CCDC81: variants seen among roughly 807,000 people sequenced by gnomAD.
CCDC81 encodes the protein coiled-coil domain-containing protein 81.
Under a neutral mutation model 83.7 loss-of-function variants are expected in CCDC81, and 79 were observed. The ratio of observed to expected loss-of-function variants is 0.94; its 90% CI spans 0.79 to 1.14. The LOEUF is 1.14. Ranked by LOEUF, CCDC81 falls within the 50% of genes most tolerant of loss-of-function variation. The probability of loss-of-function intolerance (pLI) is 0.00; values close to 1 mark genes in which losing one functional copy is unlikely to be tolerated. For missense variants in CCDC81, 791 were observed against 778.1 expected (o/e 1.02, Z -0.20); for synonymous variants, 252 against 278.1 (o/e 0.91, Z 0.93).
Position 86,412,562 on chromosome 11 carries a change from G to A in CCDC81, c.1391+3G>A. 6.2e-7 allele frequency: 1 copy of A among 1,601,470 alleles called. No homozygotes were observed. The highest frequency in any genetic ancestry group is 8.5e-7 in the Non-Finnish European group (1 of 1,175,706). On this transcript the variant is annotated splice_donor_region_variant and intron_variant, in intron 11 of 14. Transcript: ENST00000445632. ...GAACAAGTGCAACTCACAGAGGAGT[G>A]AGTCCAGCTACACACGCTCTGACAA...
In CCDC81 at chr11:86,404,198, C is replaced by T. The variant is rs77048042; in HGVS notation, c.881+3397C>T. 2.0e-3 allele frequency among the ~76,000 whole-genome samples: 311 copies of T among 152,218 alleles called. 1 individual carries two copies. Among genetic ancestry groups the T allele is most frequent in the African/African-American group, 7.1e-3 (295 of 41,538 alleles). ...CAAACCTTTAGGGAATCAGCATTCGCCCCACCCCAGATTTTGAGGCCTAAG... is the reference window on the plus strand; with the variant it reads ...CAAACCTTTAGGGAATCAGCATTCGTCCCACCCCAGATTTTGAGGCCTAAG... On this transcript the variant is annotated intron_variant, in intron 7 of 14. Coordinates refer to ENST00000445632, the MANE Select transcript of CCDC81 (RefSeq NM_001156474.2).
chr11:86,422,699 C>G lies in CCDC81; in HGVS notation c.1943C>G (p.Ser648Cys). 1.2e-6 allele frequency: 2 copies of G among 1,613,318 alleles called. No individual in the cohort carries two copies. Among genetic ancestry groups the G allele is most frequent in the Non-Finnish European group, 1.7e-6 (2 of 1,179,540 alleles). Residue 648 changes from serine (S) to cysteine (C), a missense_variant, in exon 15 of 15, where the codon TCC becomes TGC. Coordinates refer to ENST00000445632, the MANE Select transcript of CCDC81 (RefSeq NM_001156474.2). ...CCCCTGAACAAGTTCCTGCCTGGCT[C>G]CCGGTTGCTTGTGTAAAACTCAAAG... is the stretch of plus-strand genomic sequence containing the variant. ...LWPLNKFLPG[S>C]RLLV
At chr11:86,396,205 G>C (rs539640470) in intron 5 of CCDC81, among the ~76,000 whole-genome samples, 147 of 152,292 alleles carry the variant, frequency 9.7e-4, no homozygotes, top group African/African-American at 3.4e-3. Context: ...GCATATTACT[G>C]TATTTAATCT....
intron 1 of CCDC81, among the ~76,000 whole-genome samples, chr11:86,382,709 G>C (rs1037951189): frequency 1.3e-5 from 2 of 152,092 alleles, no homozygotes; most frequent in African/African-American, 4.8e-5. Context: ...AAGCAACCTA[G>C]GACTGTACCT....
chr11:86,413,470 GC>G (rs1948673690), intron 11 of CCDC81, among the ~76,000 whole-genome samples: 1 of 152,102 alleles, frequency 6.6e-6, no homozygotes, highest in African/African-American at 2.4e-5. Context: ...CAGGGACCAT[GC>G]CCTTTCCCCA....
At position 86,408,138 on chromosome 11, in the gene CCDC81, T is replaced by G; in HGVS notation, c.981T>G (p.Tyr327Ter). Residue 327 changes from tyrosine (Y) to a stop codon, truncating the protein, a stop_gained, in exon 9 of 15, where the codon TAT becomes TAG. Coordinates refer to ENST00000445632, the MANE Select transcript of CCDC81 (RefSeq NM_001156474.2). LOFTEE classifies it high-confidence loss of function. ...DHNKAGQEMC[Y>*]VCLQRAQRNS... ...ATTTGGGATTGTAGGAAATGTGCTA[T>G]GTATGTTTGCAACGAGCACAACGAA... The G allele has an allele frequency of 2.5e-6, 4 of 1,611,856 alleles. No individual in the cohort carries two copies. The highest frequency in any genetic ancestry group is 2.5e-6 in the Non-Finnish European group (3 of 1,179,548).
intron 13 of CCDC81, chr11:86,419,186 C>T (rs999114294): frequency 2.3e-4 from 35 of 152,214 alleles, no homozygotes; most frequent in African/African-American, 8.4e-4. Context: ...TTTTGTGAAG[C>T]TCCTTCTAGA....
intron 1 of CCDC81, among the ~76,000 whole-genome samples, chr11:86,384,765 A>C (rs192687958): frequency 1.2e-4 from 18 of 152,354 alleles, no homozygotes; most frequent in Admixed American, 3.3e-4. Flanking sequence ...TGAGAATTAA[A>C]ACGTAACAGT....
chr11:86,408,344 T>C, intron 9 of CCDC81, 74 bp downstream of exon 9: 1 of 1,387,728 alleles, frequency 7.2e-7, no homozygotes, highest in Non-Finnish European at 9.6e-7. Context: ...TATTATTATT[T>C]TTTATTGGCG....
In CCDC81 at chr11:86,422,895, A is replaced by C. The variant is rs11234648; in HGVS notation, c.*180A>C. ...CACTCCTGCTTTCCTCCCACCCCCA[A>C]TTATTTCCTATACTAGTTTCTGATG... On this transcript the variant is annotated 3_prime_UTR_variant, in exon 15 of 15. Transcript: ENST00000445632. The C allele has an allele frequency of 1.6e-6, 1 of 614,420 alleles. No homozygotes were observed. Among genetic ancestry groups the C allele is most frequent in the Non-Finnish European group, 2.8e-6 (1 of 357,630 alleles). 38.1% of individuals were successfully genotyped at this position (614,420 alleles called of 1,614,324 possible).
chr11:86,411,846 A>G (rs1235010573), intron 10 of CCDC81, among the ~76,000 whole-genome samples: 4 of 152,184 alleles, frequency 2.6e-5, no homozygotes, highest in African/African-American at 9.6e-5. Flanking sequence ...ACATTGTTTT[A>G]TCTGAGTTTC....
intron 5 of CCDC81, among the ~76,000 whole-genome samples, chr11:86,396,249 C>A (rs887041587): frequency 6.6e-6 from 1 of 152,170 alleles, no homozygotes; most frequent in East Asian, 1.9e-4. Context: ...TATTATAATT[C>A]TCCATTTTAT....
At position 86,412,553 on chromosome 11, in the gene CCDC81, C is replaced by T; in HGVS notation, c.1385C>T (p.Thr462Ile). 6.2e-7 allele frequency: 1 copy of T among 1,604,560 alleles called. No homozygotes were observed. The highest frequency in any genetic ancestry group is 8.5e-7 in the Non-Finnish European group (1 of 1,176,958). Residue 462 changes from threonine (T) to isoleucine (I), a missense_variant, in exon 11 of 15, where the codon ACA becomes ATA. Physicochemically the swap from Thr to Ile is moderately conservative, Grantham distance 89. Coordinates refer to ENST00000445632, the MANE Select transcript of CCDC81 (RefSeq NM_001156474.2). ...LMDRLEQVQLTEELAAQRAKF... is the reference protein window; with the variant it reads ...LMDRLEQVQLIEELAAQRAKF... ...GACCGCCTGGAACAAGTGCAACTCA[C>T]AGAGGAGTGAGTCCAGCTACACACG...
intron 1 of CCDC81, 29 bp from the exon 2 acceptor site, chr11:86,386,022 A>G (rs1438942027): frequency 2.3e-6 from 3 of 1,293,820 alleles, no homozygotes; most frequent in East Asian, 5.0e-5. Context: ...ATATAAATTG[A>G]ATAATTTCTG....
At chr11:86,392,880 C>T (rs879298653) in intron 4 of CCDC81, 83 bp downstream of exon 4, 22 of 1,416,088 alleles carry the variant, frequency 1.6e-5, no homozygotes, top group Admixed American at 1.4e-4. Context: ...TTAAGAAAAA[C>T]GAAGGTTGAC....
At chr11:86,417,754 T>G (rs546705850) in intron 13 of CCDC81, among the ~76,000 whole-genome samples, 3 of 152,106 alleles carry the variant, frequency 2.0e-5, no homozygotes, top group South Asian at 2.1e-4. Flanking sequence ...TCCTTTTTTT[T>G]TTTGTTTTTT....
intron 10 of CCDC81, among the ~76,000 whole-genome samples, chr11:86,410,507 A>T (rs1163807998): frequency 1.3e-5 from 2 of 152,208 alleles, no homozygotes; most frequent in African/African-American, 4.8e-5. Context: ...CTGACATACA[A>T]GAGTTAGGTA....
chr11:86,404,522 T>G (rs531691383), intron 7 of CCDC81, among the ~76,000 whole-genome samples: 2 of 152,068 alleles, frequency 1.3e-5, no homozygotes, highest in Non-Finnish European at 2.9e-5. Flanking sequence ...ACAGATGGAG[T>G]TGGGCTAAAA....
chr11:86,377,112 G>C (rs1409759535), intron 1 of CCDC81, among the ~76,000 whole-genome samples: 41 of 151,282 alleles, frequency 2.7e-4, no homozygotes, highest in Non-Finnish European at 1.9e-4. Flanking sequence ...TCTTTTTGTG[G>C]CTTGATAGCT....
Sources: gnomAD v4.1 joint callset for allele counts (sites outside exome capture counted in the v4.1 genomes callset) on GRCh38, gnomAD v4.1.1 for gene constraint, MANE v1.5 for transcripts, NCBI Gene and HGNC (gene_info 2026-07-23, HGNC 2026-07-21) for gene names.